Variants in AOAH observed in about 807,000 individuals in gnomAD.
AOAH encodes the protein acyloxyacyl hydrolase (neutrophil).
In AOAH, 64 loss-of-function variants were observed where a neutral mutation model predicts 92.2. The ratio of observed to expected loss-of-function variants is 0.69; its 90% confidence interval spans 0.57 to 0.86. The LOEUF (loss-of-function observed/expected upper bound fraction) is 0.86. Among genes scored for constraint, AOAH ranks in the 40% least tolerant of loss-of-function variants. The pLI is 0.00. For synonymous variants in AOAH, 263 were observed against 254.5 expected, an observed-to-expected ratio of 1.03 and a Z score of -0.32; for missense variants, 656 against 694.6, an observed-to-expected ratio of 0.94 and a Z score of 0.62.
intron 3 of AOAH, among the ~76,000 whole-genome samples, chr7:36,669,203 T>C (rs1795745622): frequency 6.6e-6 from 1 of 152,198 alleles, no homozygotes; most frequent in Non-Finnish European, 1.5e-5. Flanking sequence ...AAGGAGGTTT[T>C]ATATACAAAT....
intron 13 of AOAH, among the ~76,000 whole-genome samples, chr7:36,558,520 AT>A (rs1398467113): frequency 6.6e-6 from 1 of 152,002 alleles, no homozygotes; most frequent in African/African-American, 2.4e-5. Flanking sequence ...CTTCAAAGAC[AT>A]TTAAGTCTGC....
chr7:36,713,831 G>T (rs541980860), intron 1 of AOAH, among the ~76,000 whole-genome samples: 16 of 152,298 alleles, frequency 1.1e-4, no homozygotes, highest in African/African-American at 3.6e-4. Context: ...AAAGCAGCGT[G>T]TAGAGGGAAA....
rs867552375 is a variant in AOAH, at chr7:36,530,605, C to G, written c.1426-91G>C. 40 of 783,466 alleles carry G rather than the reference C, an allele frequency of 5.1e-5. No individual in the cohort carries two copies. The Middle Eastern group carries it at 6.1e-3, about 119-fold the overall frequency. 48.5% of individuals were successfully genotyped at this position (783,466 alleles called of 1,614,324 possible). A position where few individuals can be genotyped will look rare whatever the true frequency, so the allele number is the denominator to read the frequency against. On this transcript the variant is annotated intron_variant, in intron 18 of 20. Transcript: ENST00000617537. The stretch of plus-strand genomic sequence containing the variant: ...GGCAGAACAAAGAAATCGATCTTCC[C>G]CATCCTACTCTACTTTCATTTCTCC...
intron 6 of AOAH, among the ~76,000 whole-genome samples, chr7:36,628,014 G>A (rs1792797254): frequency 6.6e-6 from 1 of 152,144 alleles, no homozygotes; most frequent in Non-Finnish European, 1.5e-5. Context: ...GCGTGGGTTG[G>A]TTGCGTATGT....
intron 13 of AOAH, among the ~76,000 whole-genome samples, chr7:36,552,449 G>A (rs1017006716): frequency 1.3e-5 from 2 of 152,130 alleles, no homozygotes; most frequent in Admixed American, 1.3e-4. Flanking sequence ...ATCATGAATA[G>A]TGCTGCAATG....
intron 5 of AOAH, 53 bp downstream of exon 5, chr7:36,637,798 T>G: frequency 1.9e-6 from 3 of 1,547,116 alleles, no homozygotes; most frequent in Non-Finnish European, 2.7e-6. Context: ...CCGGGGCCAG[T>G]GAGAGAGGAC....
At chr7:36,703,542 C>A (rs1221725307) in intron 1 of AOAH, among the ~76,000 whole-genome samples, 1 of 152,154 alleles carries the variant, frequency 6.6e-6, no homozygotes, top group Non-Finnish European at 1.5e-5. Flanking sequence ...TATCCCTCCC[C>A]TTGCCTCCCA....
At chr7:36,618,866 ACTGCTAAATATC>A (rs1280557222) in intron 9 of AOAH, among the ~76,000 whole-genome samples, 11 of 152,204 alleles carry the variant, frequency 7.2e-5, no homozygotes, top group Non-Finnish European at 1.5e-4. Context: ...GGTCAGGGAT[ACTGCTAAATATC>A]CTCCAGTTTG....
Position 36,668,545 on chromosome 7 carries a change from G to C in AOAH, c.290+5398C>G, listed in dbSNP as rs572155826. Among the ~76,000 whole-genome samples the C allele has an allele frequency of 1.6e-4, 25 of 152,292 alleles. No homozygotes were observed. The South Asian group carries it at 5.2e-3, about 32-fold the overall frequency. On this transcript the variant is annotated intron_variant, in intron 3 of 20. Transcript: ENST00000617537. Reference sequence around the variant, plus strand: ...CCTGTCACCCAGGCTGTAGTGCAATGGCGCTATCTCAGCTCACTGCAACCT... The same window carrying C: ...CCTGTCACCCAGGCTGTAGTGCAATCGCGCTATCTCAGCTCACTGCAACCT...
intron 16 of AOAH, among the ~76,000 whole-genome samples, chr7:36,535,086 CTGTGTGTGTGTT>C (rs1237830231): frequency 1.0e-5 from 1 of 97,174 alleles, no homozygotes; most frequent in African/African-American, 3.3e-5. Flanking sequence ...GTCTGTGTCT[CTGTGTGTGTGTT>C]TGTGTGTGTC....
intron 4 of AOAH, among the ~76,000 whole-genome samples, chr7:36,650,148 G>A (rs538607941): frequency 6.6e-6 from 1 of 151,148 alleles, no homozygotes; most frequent in East Asian, 2.0e-4. Flanking sequence ...GCCCACCACC[G>A]TCTTGGAAGT....
chr7:36,541,239 C>G (rs773261588), intron 15 of AOAH, among the ~76,000 whole-genome samples: 1 of 152,106 alleles, frequency 6.6e-6, no homozygotes. Context: ...AATTCCAGCC[C>G]GCATTATTGT....
intron 2 of AOAH, among the ~76,000 whole-genome samples, chr7:36,678,997 A>T (rs1179254885): frequency 6.6e-6 from 1 of 152,218 alleles, no homozygotes; most frequent in Non-Finnish European, 1.5e-5. Context: ...TTTAATTTCT[A>T]CAGATTAAAA....
rs373656809 is a variant in AOAH, at chr7:36,648,078, C to T, written c.391-10168G>A. On this transcript the variant is annotated intron_variant, in intron 4 of 20. Transcript: ENST00000617537. ...AACTCCTGACCTCAGGTGATCCTCC[C>T]GCCTCGACCTCCCAAAGTGCTGGGA... is the stretch of plus-strand genomic sequence containing the variant. 1.0e-3 allele frequency among the ~76,000 whole-genome samples: 152 copies of T among 152,124 alleles called. 1 individual carries two copies. Among genetic ancestry groups the T allele is most frequent in the Middle Eastern group, 6.8e-3 (2 of 294 alleles).
chr7:36,570,869 G>C (rs116054630), intron 13 of AOAH, among the ~76,000 whole-genome samples: 1 of 152,066 alleles, frequency 6.6e-6, no homozygotes, highest in Non-Finnish European at 1.5e-5. Context: ...AACTTATTTA[G>C]GTTAAAAAAA....
rs572949599 is a variant in AOAH, at chr7:36,645,353, T to A, written c.391-7443A>T. ...CCAGAACCTGACCCTGTTGGCACCG[T>A]GATATTGGACTTCCAACCTCCAGAA... On this transcript the variant is annotated intron_variant, in intron 4 of 20. Coordinates refer to ENST00000617537, the MANE Select transcript of AOAH (RefSeq NM_001637.4). Among the ~76,000 whole-genome samples, 62 of 152,234 alleles carry A rather than the reference T, an allele frequency of 4.1e-4. No individual in the cohort carries two copies. The South Asian group carries it at 7.1e-3, about 17-fold the overall frequency.
rs545627097 is a variant in AOAH, at chr7:36,634,817, A to G, written c.451-2711T>C. On this transcript the variant is annotated intron_variant, in intron 5 of 20. Coordinates refer to ENST00000617537, the MANE Select transcript of AOAH (RefSeq NM_001637.4). The stretch of plus-strand genomic sequence containing the variant: ...TAATAGCAAACTATTAAAAATTGAT[A>G]TGAACAGTTTTATAATTACTAGACA... 6.6e-5 allele frequency among the ~76,000 whole-genome samples: 10 copies of G among 152,336 alleles called. 1 individual carries two copies. The East Asian group carries it at 1.9e-3, about 29-fold the overall frequency.
At chr7:36,571,722 CT>C (rs1788161482) in intron 13 of AOAH, among the ~76,000 whole-genome samples, 1 of 152,220 alleles carries the variant, frequency 6.6e-6, no homozygotes, top group African/African-American at 2.4e-5. Flanking sequence ...CTGCCCCCAG[CT>C]ACCCTCCTGC....
intron 3 of AOAH, among the ~76,000 whole-genome samples, chr7:36,664,959 G>C (rs1795450488): frequency 6.6e-6 from 1 of 152,174 alleles, no homozygotes; most frequent in Admixed American, 6.5e-5. Context: ...TGTGAACTCA[G>C]AGCACGAAGT....
Sources: allele counts gnomAD v4.1 joint callset (sites outside exome capture counted in the v4.1 genomes callset), GRCh38; gene constraint gnomAD v4.1.1; transcripts MANE v1.5; gene names NCBI Gene and HGNC (gene_info 2026-07-23, HGNC 2026-07-21).